Variants in KLF8 observed in about 807,000 individuals in gnomAD.
KLF8 encodes the protein Krueppel-like factor 8.
Under a neutral mutation model 18.2 loss-of-function variants are expected in KLF8, and 10 were observed. The ratio of observed to expected loss-of-function variants is 0.55; its 90% confidence interval spans 0.34 to 0.93. KLF8 has a LOEUF of 0.93. KLF8 is among the 40% of genes least tolerant of loss of function. The pLI, the probability that KLF8 is intolerant of heterozygous loss-of-function variation, is 0.02. For synonymous variants in KLF8, 109 were observed against 97.3 expected (o/e 1.12, Z -0.71); for missense variants, 264 against 277.9 (o/e 0.95, Z 0.36).
chrX:56,003,541 G>A, the KLF8 span, among the ~76,000 whole-genome samples: 7 of 111,686 alleles, frequency 6.3e-5, no homozygotes, highest in Non-Finnish European at 1.3e-4. Flanking sequence ...AAAAGAGAAT[G>A]AACTTTCTCT....
At chrX:56,253,664 T>C (rs1053924694) in intron 2 of KLF8, among the ~76,000 whole-genome samples, 6 of 111,191 alleles carry the variant, frequency 5.4e-5, no homozygotes, top group Non-Finnish European at 1.1e-4. Context: ...GTTTTGTTCT[T>C]TTTGCTTAGG....
the KLF8 span, among the ~76,000 whole-genome samples, chrX:56,204,340 C>T: frequency 2.3e-4 from 26 of 111,533 alleles, no homozygotes; most frequent in African/African-American, 6.5e-4. Context: ...TAGGCTTTTG[C>T]AAATATATGA....
chrX:56,214,158 T>C, the KLF8 span, among the ~76,000 whole-genome samples: 1 of 110,576 alleles, frequency 9.0e-6, no homozygotes, highest in Non-Finnish European at 1.9e-5. Context: ...CTGGAGTTTT[T>C]ATGGGTATAG....
chrX:55,917,631 C>A, the KLF8 span, among the ~76,000 whole-genome samples: 1 of 111,125 alleles, frequency 9.0e-6, no homozygotes, highest in Non-Finnish European at 1.9e-5. Flanking sequence ...GTATTTCACA[C>A]CCTGTCATCT....
At chrX:55,993,698 T>C in the KLF8 span, among the ~76,000 whole-genome samples, 1 of 111,525 alleles carries the variant, frequency 9.0e-6, no homozygotes, top group Non-Finnish European at 1.9e-5. Context: ...TGTTTGCATG[T>C]GTAGTAAAAT....
the KLF8 span, among the ~76,000 whole-genome samples, chrX:56,026,926 G>A: frequency 8.9e-6 from 1 of 112,846 alleles, no homozygotes; most frequent in African/African-American, 3.2e-5. Context: ...TGTATGCCGG[G>A]AGGGACAGAG....
At chrX:55,920,562 A>G in the KLF8 span, among the ~76,000 whole-genome samples, 2 of 111,004 alleles carry the variant, frequency 1.8e-5, no homozygotes, top group African/African-American at 3.3e-5. Flanking sequence ...AGTGAAATAC[A>G]TAGCATAAAT....
chrX:56,267,055 G>C (rs2066981822), intron 3 of KLF8: 2 of 752,315 alleles, frequency 2.7e-6, no homozygotes, highest in African/African-American at 2.3e-5. Flanking sequence ...AAAATTCCTC[G>C]TGTGACAGTT....
intron 2 of KLF8, among the ~76,000 whole-genome samples, chrX:56,260,702 T>C (rs2066871700): frequency 8.9e-6 from 1 of 112,010 alleles, no homozygotes; most frequent in Non-Finnish European, 1.9e-5. Flanking sequence ...AATTGAGTTT[T>C]AGAAGGTTAA....
chrX:56,102,412 T>C, the KLF8 span, among the ~76,000 whole-genome samples: 2 of 111,870 alleles, frequency 1.8e-5, no homozygotes, highest in Non-Finnish European at 3.8e-5. Context: ...TCTTTTTCCT[T>C]AGGATTGCTT....
chrX:56,145,657 T>A, the KLF8 span, among the ~76,000 whole-genome samples: 1 of 112,363 alleles, frequency 8.9e-6, no homozygotes, highest in African/African-American at 3.2e-5. Flanking sequence ...TACTACAACA[T>A]GAATGAACCT....
At chrX:56,187,305 C>T in the KLF8 span, among the ~76,000 whole-genome samples, 1 of 111,582 alleles carries the variant, frequency 9.0e-6, no homozygotes, top group South Asian at 3.8e-4. Flanking sequence ...CACATACACC[C>T]TCCCAAGACT....
At chrX:56,225,624 A>G in the KLF8 span, among the ~76,000 whole-genome samples, 1 of 112,324 alleles carries the variant, frequency 8.9e-6, no homozygotes, top group Non-Finnish European at 1.9e-5. Context: ...GCAAAAATTT[A>G]TACAGTGCTT....
chrX:56,250,282 G>T lies in KLF8; in HGVS notation c.59G>T (p.Gly20Val). The T allele has an allele frequency of 8.3e-7, 1 of 1,205,428 alleles. No individual in the cohort carries two copies. Among genetic ancestry groups the T allele is most frequent in the Admixed American group, 2.2e-5 (1 of 46,000 alleles). Reference sequence around the variant, plus strand: ...GAGGTCCAACTTAATTCAGAAGGTGGCTCAATGCAGGTATTCAAGCAGGTC... The same window carrying T: ...GAGGTCCAACTTAATTCAGAAGGTGTCTCAATGCAGGTATTCAAGCAGGTC... ...NLEVQLNSEGGSMQVFKQVTA... is the reference protein window; with the variant it reads ...NLEVQLNSEGVSMQVFKQVTA... The change falls in exon 2 of 6, where the codon GGC (glycine) becomes GTC (valine). Residue 20 changes from glycine (G) to valine (V), a missense_variant. Around this residue, in one of 2 missense-constraint regions of KLF8, gnomAD observed 221 missense variants for 193.6 expected, o/e 1.14. Transcript: ENST00000468660.
chrX:56,078,114 C>G, the KLF8 span, among the ~76,000 whole-genome samples: 1 of 111,566 alleles, frequency 9.0e-6, no homozygotes, highest in Non-Finnish European at 1.9e-5. Flanking sequence ...TCCTCTTTTC[C>G]TAATGGAATT....
the KLF8 span, among the ~76,000 whole-genome samples, chrX:56,192,025 G>A: frequency 6.3e-5 from 7 of 111,636 alleles, no homozygotes; most frequent in Non-Finnish European, 1.1e-4. Context: ...CAGAAAGGCA[G>A]AAGACAAATT....
the KLF8 span, among the ~76,000 whole-genome samples, chrX:56,172,188 T>C: frequency 2.7e-5 from 3 of 110,468 alleles, no homozygotes; most frequent in African/African-American, 9.9e-5. Flanking sequence ...ACATGTGCCA[T>C]ATTGGTGTGC....
the KLF8 span, among the ~76,000 whole-genome samples, chrX:56,066,678 C>A: frequency 6.6e-4 from 73 of 111,356 alleles, 1 homozygote; most frequent in Non-Finnish European, 3.0e-4. Flanking sequence ...GCAGTGGTAC[C>A]TGGATGTGGG....
chrX:56,231,985 C>A (rs2147546696), upstream of KLF8, among the ~76,000 whole-genome samples: 1 of 111,124 alleles, frequency 9.0e-6, no homozygotes, highest in African/African-American at 3.3e-5. Context: ...TGAGAAGACA[C>A]TGTGACCTCG....
Sources: gnomAD v4.1 joint callset for allele counts (sites outside exome capture counted in the v4.1 genomes callset) on GRCh38, gnomAD v4.1.1 for gene constraint, gnomAD v4.1.1 regional missense constraint, MANE v1.5 for transcripts, NCBI Gene and HGNC (gene_info 2026-07-23, HGNC 2026-07-21) for gene names.